SBF2: variants seen among roughly 807,000 people sequenced by gnomAD.
SBF2 encodes SET binding factor 2.
In SBF2, 112 loss-of-function variants were observed where a neutral mutation model predicts 225.2. The observed-to-expected ratio is 0.50, with a 90% CI of 0.43 to 0.58. The LOEUF is 0.58. SBF2 is among the 20% of genes least tolerant of loss of function. SBF2 has a pLI of 0.00. For synonymous variants in SBF2, 763 were observed against 773.3 expected (o/e 0.99, Z 0.22); for missense variants, 1,996 against 2,206.2 (o/e 0.90, Z 1.91).
chr11:10,154,328 T>C (rs1464231184), intron 2 of SBF2, among the ~76,000 whole-genome samples: 1 of 152,150 alleles, frequency 6.6e-6, no homozygotes, highest in Non-Finnish European at 1.5e-5. Context: ...TTATCAACTC[T>C]TTTCTGTATT....
Position 9,885,886 on chromosome 11 carries a change from G to A in SBF2, c.1929+10057C>T, listed in dbSNP as rs138175780. 2.0e-3 allele frequency among the ~76,000 whole-genome samples: 299 copies of A among 152,238 alleles called. 1 individual carries two copies. Among genetic ancestry groups the A allele is most frequent in the Non-Finnish European group, 3.2e-3 (217 of 68,018 alleles). ...ACTCACACAGGACAACCTCCGTAGC[G>A]TTGCCCCCCAATCTTCTGGCATGAC... On this transcript the variant is annotated intron_variant, in intron 17 of 39. Coordinates refer to ENST00000256190, the MANE Select transcript of SBF2 (RefSeq NM_030962.4).
chr11:10,135,094 T>C (rs534467939), intron 2 of SBF2, among the ~76,000 whole-genome samples: 1 of 152,348 alleles, frequency 6.6e-6, no homozygotes, highest in East Asian at 1.9e-4. Context: ...GTTCTTGACT[T>C]CTGTGCACTG....
intron 9 of SBF2, among the ~76,000 whole-genome samples, chr11:9,994,428 T>C (rs976368598): frequency 2.0e-5 from 3 of 150,776 alleles, no homozygotes; most frequent in Non-Finnish European, 4.4e-5. Flanking sequence ...TGAGCCGAGA[T>C]TGCGCCACTG....
chr11:10,058,001 G>A (rs1387180636), intron 2 of SBF2, among the ~76,000 whole-genome samples: 1 of 151,672 alleles, frequency 6.6e-6, no homozygotes, highest in Admixed American at 6.6e-5. Context: ...CAGAAAAGAA[G>A]TCTATTGAGT....
intron 2 of SBF2, among the ~76,000 whole-genome samples, chr11:10,104,304 A>G (rs1952457971): frequency 6.6e-6 from 1 of 152,202 alleles, no homozygotes; most frequent in South Asian, 2.1e-4. Flanking sequence ...AACAAAAAAG[A>G]AAAAGGAAAC....
At chr11:10,167,593 T>TAAAG (rs1311772930) in intron 2 of SBF2, among the ~76,000 whole-genome samples, 1 of 152,042 alleles carries the variant, frequency 6.6e-6, no homozygotes, top group African/African-American at 2.4e-5. Context: ...AATAAATAAA[T>TAAAG]AAAATCTAGT....
intron 16 of SBF2, among the ~76,000 whole-genome samples, chr11:9,939,325 G>A (rs61876950): frequency 1.8e-4 from 27 of 151,758 alleles, no homozygotes; most frequent in Admixed American, 3.3e-4. Flanking sequence ...GTTGATCTCC[G>A]GACCTTGTGA....
intron 22 of SBF2, 48 bp from the exon 23 acceptor site, chr11:9,847,131 C>T (rs1438459567): frequency 1.2e-6 from 2 of 1,608,950 alleles, no homozygotes; most frequent in South Asian, 2.2e-5. Context: ...TTATAGCTCA[C>T]TTTTAGAGTG....
rs73416199 is a variant in SBF2 at position 9,839,109 on chromosome 11, A to C, written c.3455+389T>G. 1,328 of 296,968 alleles carry C rather than the reference A, an allele frequency of 4.5e-3. 21 individuals carry two copies. The highest frequency in any genetic ancestry group is 0.027 in the African/African-American group (1,221 of 45,608). 18.4% of individuals were successfully genotyped at this position (296,968 alleles called of 1,614,324 possible). On this transcript the variant is annotated intron_variant, in intron 26 of 39. Transcript: ENST00000256190. ...AAGAGACTCTATGGCTCATAAACTG[A>C]AAATATTTACCAACTGACCCTTTAT...
chr11:9,932,386 G>C (rs1343588788), intron 16 of SBF2, among the ~76,000 whole-genome samples: 1 of 152,170 alleles, frequency 6.6e-6, no homozygotes, highest in African/African-American at 2.4e-5. Context: ...AGAGAGAAAG[G>C]TCAGGTTACC....
chr11:10,020,222 C>T (rs551534383), intron 6 of SBF2, among the ~76,000 whole-genome samples: 22 of 152,158 alleles, frequency 1.4e-4, no homozygotes, highest in African/African-American at 4.6e-4. Flanking sequence ...AGTGAGCTCA[C>T]GCAGGTGCAG....
At position 9,977,047 on chromosome 11, in the gene SBF2, C is replaced by T. The variant is rs191402273; in HGVS notation, c.1396-8502G>A. On this transcript the variant is annotated intron_variant, in intron 13 of 39. Coordinates refer to ENST00000256190, the MANE Select transcript of SBF2 (RefSeq NM_030962.4). ...TGCTGGGATTACAAGCGTGAGCCACCGCACCCCACCCAACTGATTTCTTAA... is the reference window on the plus strand; with the variant it reads ...TGCTGGGATTACAAGCGTGAGCCACTGCACCCCACCCAACTGATTTCTTAA... Among the ~76,000 whole-genome samples the T allele has an allele frequency of 4.6e-5, 7 of 152,180 alleles. No homozygotes were observed. The South Asian group carries it at 6.2e-4, about 14-fold the overall frequency.
intron 1 of SBF2, among the ~76,000 whole-genome samples, chr11:10,257,664 CAAAAAAA>C (rs58743421): frequency 4.4e-4 from 17 of 39,056 alleles, no homozygotes; most frequent in Non-Finnish European, 6.9e-4. Flanking sequence ...GGCCTTGCCT[CAAAAAAA>C]AAAAAAAAAA....
intron 5 of SBF2, among the ~76,000 whole-genome samples, chr11:10,028,980 A>T (rs1468280206): frequency 6.6e-6 from 1 of 152,184 alleles, no homozygotes; most frequent in Non-Finnish European, 1.5e-5. Context: ...GAGGATAAAA[A>T]TTTAAGACAA....
intron 2 of SBF2, among the ~76,000 whole-genome samples, chr11:10,157,883 G>A (rs1955548525): frequency 6.6e-6 from 1 of 151,964 alleles, no homozygotes; most frequent in Non-Finnish European, 1.5e-5. Flanking sequence ...AACAACAGAA[G>A]GATAAACATT....
chr11:9,998,555 T>C (rs1334114053), intron 8 of SBF2, among the ~76,000 whole-genome samples, 176 bp from the exon 9 acceptor site: 1 of 152,192 alleles, frequency 6.6e-6, no homozygotes, highest in Non-Finnish European at 1.5e-5. Flanking sequence ...ATTTCCCAGG[T>C]TCCTTTGAAA....
At chr11:9,913,011 G>C (rs1862770146) in intron 16 of SBF2, among the ~76,000 whole-genome samples, 1 of 152,214 alleles carries the variant, frequency 6.6e-6, no homozygotes, top group South Asian at 2.1e-4. Flanking sequence ...ACCGTGCTGG[G>C]TGTGGTGGTT....
At chr11:9,836,741 G>C (rs1855755988) in intron 26 of SBF2, among the ~76,000 whole-genome samples, 1 of 152,054 alleles carries the variant, frequency 6.6e-6, no homozygotes, top group South Asian at 2.1e-4. Context: ...GCTCTTCAAT[G>C]ATCTTCAATA....
chr11:9,900,026 CTTCTTTTTT>C (rs1861594994), intron 16 of SBF2, among the ~76,000 whole-genome samples: 3 of 97,766 alleles, frequency 3.1e-5, no homozygotes, highest in Admixed American at 2.0e-4. Context: ...TTTTCCTTTT[CTTCTTTTTT>C]TTTTTTTTTA....
Sources: gnomAD v4.1 joint callset for allele counts (sites outside exome capture counted in the v4.1 genomes callset) on GRCh38, gnomAD v4.1.1 for gene constraint, MANE v1.5 for transcripts, NCBI Gene and HGNC (gene_info 2026-07-23, HGNC 2026-07-21) for gene names.